Variants in C7 observed in about 807,000 individuals in gnomAD.
The protein encoded by C7 is complement component C7.
Under a neutral mutation model 104.8 loss-of-function variants are expected in C7, and 83 were observed. The ratio of observed to expected loss-of-function variants is 0.79; its 90% CI spans 0.66 to 0.95. The LOEUF is 0.95. Among genes scored for constraint, C7 ranks in the 40% least tolerant of loss-of-function variants. The pLI, the probability that C7 is intolerant of heterozygous loss-of-function variation, is 0.00. For missense variants in C7, 1,070 were observed against 1,011.2 expected (o/e 1.06, Z -0.79); for synonymous variants, 415 against 360.6 (o/e 1.15, Z -1.71).
chr5:40,925,260 T>G (rs569463672), intron 1 of C7, among the ~76,000 whole-genome samples: 1 of 152,290 alleles, frequency 6.6e-6, no homozygotes, highest in African/African-American at 2.4e-5. Context: ...TACCCTAAGT[T>G]ATCACTCTTA....
intron 10 of C7, among the ~76,000 whole-genome samples, chr5:40,956,107 A>G (rs901443173): frequency 2.6e-5 from 4 of 152,260 alleles, no homozygotes; most frequent in African/African-American, 7.2e-5. Flanking sequence ...AAAAAAAATC[A>G]GGTTAGAGAC....
intron 1 of C7, among the ~76,000 whole-genome samples, chr5:40,911,775 G>T (rs1351361743): frequency 7.2e-6 from 1 of 139,266 alleles, no homozygotes; most frequent in Non-Finnish European, 1.5e-5. Flanking sequence ...GTCTCACTCT[G>T]TTGCCCAGGC....
chr5:40,920,606 A>G (rs945782646), intron 1 of C7, among the ~76,000 whole-genome samples: 2 of 149,030 alleles, frequency 1.3e-5, no homozygotes, highest in East Asian at 3.9e-4. Flanking sequence ...TTTATTTTTT[A>G]TTTTTCCTCA....
In C7 at chr5:40,936,387, T is replaced by G; in HGVS notation, c.330T>G (p.Asp110Glu). The change falls in exon 5 of 18, where the codon GAT (aspartate) becomes GAG (glutamate). Residue 110 changes from aspartate to glutamate, a missense_variant. Coordinates refer to ENST00000313164, the MANE Select transcript of C7 (RefSeq NM_000587.4). ...TTTGCAATGGGGATTCTGACTGTGA[T>G]GAAGACAGTGCTGATGAAGACAGAT... ...SLVCNGDSDC[D>E]EDSADEDRCE... The G allele has an allele frequency of 6.2e-7, 1 of 1,613,430 alleles. No individual in the cohort carries two copies. The highest frequency in any genetic ancestry group is 8.5e-7 in the Non-Finnish European group (1 of 1,179,498).
intron 9 of C7, among the ~76,000 whole-genome samples, chr5:40,952,458 A>G (rs1053289427): frequency 2.9e-5 from 4 of 139,300 alleles, no homozygotes; most frequent in Non-Finnish European, 6.4e-5. Context: ...AAACATCATG[A>G]TGGTAGAATC....
intron 1 of C7, among the ~76,000 whole-genome samples, chr5:40,915,261 G>T (rs1248054781): frequency 6.6e-6 from 1 of 152,096 alleles, no homozygotes; most frequent in Admixed American, 6.6e-5. Context: ...TTTTACTCTT[G>T]TCTCTCTCAT....
At chr5:40,968,765 C>T (rs1396168251) in intron 14 of C7, among the ~76,000 whole-genome samples, 1 of 151,024 alleles carries the variant, frequency 6.6e-6, no homozygotes, top group Non-Finnish European at 1.5e-5. Flanking sequence ...ACGCTTGCCA[C>T]AGTGCCCAGC....
chr5:40,973,638 C>T (rs1371460904), intron 15 of C7, among the ~76,000 whole-genome samples: 2 of 152,186 alleles, frequency 1.3e-5, no homozygotes, highest in Non-Finnish European at 2.9e-5. Flanking sequence ...TATCAAAGCT[C>T]CATCTCAGAG....
intron 13 of C7, among the ~76,000 whole-genome samples, chr5:40,962,589 G>A (rs939248294): frequency 6.6e-5 from 10 of 152,104 alleles, no homozygotes; most frequent in African/African-American, 2.4e-4. Flanking sequence ...TATTCCAGGA[G>A]TCAATAAGAC....
Position 40,923,138 on chromosome 5 carries a change from A to G in C7, c.7-5442A>G, listed in dbSNP as rs182008211. 5.0e-3 allele frequency among the ~76,000 whole-genome samples: 763 copies of G among 152,324 alleles called. 7 individuals are homozygous for G. The highest frequency in any genetic ancestry group is 0.018 in the African/African-American group (734 of 41,562). ...CTCAGTAGCATATGTTAATAATAAT[A>G]TTAATCTGATTAACAATGGGCAAAT... On this transcript the variant is annotated intron_variant, in intron 1 of 17. Coordinates refer to ENST00000313164, the MANE Select transcript of C7 (RefSeq NM_000587.4).
intron 16 of C7, 58 bp downstream of exon 16, chr5:40,976,898 T>G: frequency 7.6e-7 from 1 of 1,307,192 alleles, no homozygotes; most frequent in East Asian, 2.5e-5. Flanking sequence ...AGGGATAATT[T>G]CTTAGATAAT....
intron 1 of C7, among the ~76,000 whole-genome samples, chr5:40,918,293 G>A (rs1372840363): frequency 1.3e-5 from 2 of 151,724 alleles, no homozygotes; most frequent in African/African-American, 2.4e-5. Context: ...CTGGGAGGTC[G>A]AGGGTGCAGT....
At chr5:40,951,331 T>C (rs1158204453) in intron 9 of C7, among the ~76,000 whole-genome samples, 1 of 152,218 alleles carries the variant, frequency 6.6e-6, no homozygotes, top group Non-Finnish European at 1.5e-5. Flanking sequence ...CTGTTACACA[T>C]TGATAGTTTC....
At chr5:40,919,163 A>C (rs1579837391) in intron 1 of C7, among the ~76,000 whole-genome samples, 1 of 149,676 alleles carries the variant, frequency 6.7e-6, no homozygotes, top group Non-Finnish European at 1.5e-5. Flanking sequence ...TTGCTCTGTC[A>C]CCCAGCCTGT....
At chr5:40,969,239 C>T (rs1272788032) in intron 14 of C7, among the ~76,000 whole-genome samples, 2 of 146,474 alleles carry the variant, frequency 1.4e-5, no homozygotes, top group East Asian at 2.0e-4. Flanking sequence ...GAGTAAATAA[C>T]ATCAATTACT....
chr5:40,920,153 A>G (rs1478377353), intron 1 of C7, among the ~76,000 whole-genome samples: 1 of 152,180 alleles, frequency 6.6e-6, no homozygotes, highest in Non-Finnish European at 1.5e-5. Context: ...ACTATCATCA[A>G]CAATTATACA....
intron 1 of C7, among the ~76,000 whole-genome samples, chr5:40,923,031 G>A (rs1479606885): frequency 1.3e-5 from 2 of 152,020 alleles, no homozygotes; most frequent in African/African-American, 4.8e-5. Context: ...GAGTAAAGAG[G>A]AACAACCTAT....
intron 9 of C7, among the ~76,000 whole-genome samples, chr5:40,951,603 C>T (rs1272695578): frequency 6.6e-6 from 1 of 152,062 alleles, no homozygotes; most frequent in Non-Finnish European, 1.5e-5. Flanking sequence ...AACATGTACC[C>T]CATGAATCGA....
chr5:40,940,503 C>T (rs1739913303), intron 6 of C7, among the ~76,000 whole-genome samples: 1 of 152,132 alleles, frequency 6.6e-6, no homozygotes, highest in Non-Finnish European at 1.5e-5. Context: ...CTTGAATATA[C>T]TTCATTATAT....
Sources: gnomAD v4.1 joint callset for allele counts (sites outside exome capture counted in the v4.1 genomes callset) on GRCh38, gnomAD v4.1.1 for gene constraint, MANE v1.5 for transcripts, NCBI Gene and HGNC (gene_info 2026-07-23, HGNC 2026-07-21) for gene names.